HAVCR1: variants seen among roughly 807,000 people sequenced by gnomAD.
The protein encoded by HAVCR1 is hepatitis A virus cellular receptor 1.
Under a neutral mutation model 32.0 loss-of-function variants are expected in HAVCR1, and 34 were observed. The observed-to-expected ratio is 1.06, with a 90% CI of 0.81 to 1.42. HAVCR1 has a LOEUF of 1.42. Among genes scored for constraint, HAVCR1 ranks in the 40% most tolerant of loss-of-function variants. HAVCR1 has a pLI of 0.00. For synonymous variants in HAVCR1, 178 were observed against 170.3 expected, an observed-to-expected ratio of 1.05 and a Z score of -0.35; for missense variants, 420 against 442.3, an observed-to-expected ratio of 0.95 and a Z score of 0.45.
chr5:157,057,916 G>A lies in HAVCR1; in HGVS notation c.28C>T (p.Leu10Phe), dbSNP rs1485882411. 3.1e-6 allele frequency: 5 copies of A among 1,613,758 alleles called. No homozygotes were observed. The highest frequency in any genetic ancestry group is 4.2e-6 in the Non-Finnish European group (5 of 1,179,812). Residue 10 changes from leucine to phenylalanine, a missense_variant, in exon 2 of 9, where the codon CTC (leucine) becomes TTC (phenylalanine). Leu to Phe is a conservative substitution (Grantham distance 22). Transcript: ENST00000523175. MHPQVVILS[L>F]ILHLADSVAG... Reference sequence around the variant, plus strand: ...CACTTACCTGCCAGATGTAGGATGAGGCTTAAGATGACCACTTGAGGATGC... The same window carrying A: ...CACTTACCTGCCAGATGTAGGATGAAGCTTAAGATGACCACTTGAGGATGC...
At chr5:157,068,814 T>G in the HAVCR1 span, among the ~76,000 whole-genome samples, 1 of 152,124 alleles carries the variant, frequency 6.6e-6, no homozygotes, top group Non-Finnish European at 1.5e-5. Context: ...TCTCACTATG[T>G]CGCCTAGGCT....
the HAVCR1 span, among the ~76,000 whole-genome samples, chr5:157,064,135 A>C: frequency 6.6e-6 from 1 of 152,160 alleles, no homozygotes; most frequent in Non-Finnish European, 1.5e-5. Flanking sequence ...CTAGATTGAG[A>C]AGCAGGAAGA....
chr5:157,057,295 G>A (rs867693300), intron 2 of HAVCR1, among the ~76,000 whole-genome samples: 4 of 150,468 alleles, frequency 2.7e-5, no homozygotes, highest in South Asian at 2.1e-4. Flanking sequence ...TAGCCTGGGC[G>A]ACAGAGTGAG....
the HAVCR1 span, among the ~76,000 whole-genome samples, chr5:157,067,042 T>C: frequency 6.6e-6 from 1 of 152,072 alleles, no homozygotes; most frequent in African/African-American, 2.4e-5. Flanking sequence ...GCAGTAAGGA[T>C]GGGGAAGAGG....
At chr5:157,060,412 A>G (rs994566531), upstream of HAVCR1, among the ~76,000 whole-genome samples, 10 of 151,778 alleles carry the variant, frequency 6.6e-5, no homozygotes, top group African/African-American at 4.8e-5. Flanking sequence ...TTCTCCATCT[A>G]GCTCCCCAGC....
intron 5 of HAVCR1, among the ~76,000 whole-genome samples, chr5:157,044,615 G>GAGAAAGAAAGAA (rs1554090477): frequency 1.1e-3 from 56 of 52,714 alleles, no homozygotes; most frequent in South Asian, 1.7e-3. Flanking sequence ...AAGAAAGAAA[G>GAGAAAGAAAGAA]AGAAAGAAAG....
intron 4 of HAVCR1, among the ~76,000 whole-genome samples, chr5:157,051,177 T>A (rs1333804291): frequency 6.6e-6 from 1 of 152,166 alleles, no homozygotes; most frequent in Non-Finnish European, 1.5e-5. Flanking sequence ...ATTTGAAGTA[T>A]CAACTATATG....
In HAVCR1 at chr5:157,046,241, A is replaced by G. The variant is rs151186323; in HGVS notation, c.781+2797T>C. Among the ~76,000 whole-genome samples the G allele has an allele frequency of 2.2e-4, 33 of 152,310 alleles. No individual in the cohort carries two copies. In the East Asian group the frequency reaches 5.8e-3, roughly 27 times the overall value. ...AACAGCTGAGTACAATGAGTCATAC[A>G]CACAAGGAGGCCTGCAAGGTGTGAC... On this transcript the variant is annotated intron_variant, in intron 5 of 8. Transcript: ENST00000523175.
At chr5:157,067,685 T>TTATTTA in the HAVCR1 span, among the ~76,000 whole-genome samples, 1 of 151,904 alleles carries the variant, frequency 6.6e-6, no homozygotes, top group African/African-American at 2.4e-5. Context: ...CTCTTTTTCT[T>TTATTTA]TATTTTTATT....
chr5:157,046,512 C>G (rs578161473), intron 5 of HAVCR1, among the ~76,000 whole-genome samples: 5 of 152,230 alleles, frequency 3.3e-5, no homozygotes, highest in Non-Finnish European at 7.3e-5. Context: ...AGCAGAGTAG[C>G]AGGATCTCAG....
At chr5:157,055,848 G>A (rs1051141870) in intron 2 of HAVCR1, among the ~76,000 whole-genome samples, 1 of 151,346 alleles carries the variant, frequency 6.6e-6, no homozygotes, top group African/African-American at 2.4e-5. Context: ...CTGGGTGACA[G>A]AGCAGACTCT....
At chr5:157,040,400 A>G (rs926547345) in intron 6 of HAVCR1, among the ~76,000 whole-genome samples, 1 of 152,198 alleles carries the variant, frequency 6.6e-6, no homozygotes, top group Non-Finnish European at 1.5e-5. Flanking sequence ...GAACATATAC[A>G]TGGTGGTAGT....
chr5:157,053,531 G>A (rs1755903409), intron 3 of HAVCR1, among the ~76,000 whole-genome samples: 1 of 152,064 alleles, frequency 6.6e-6, no homozygotes, highest in African/African-American at 2.4e-5. Context: ...CGTAGGTATT[G>A]GGTTCTATTA....
chr5:157,057,991 C>A, intron 1 of HAVCR1, 36 bp from the exon 2 acceptor site: 1 of 1,410,234 alleles, frequency 7.1e-7, no homozygotes. Context: ...GGTTGGTACC[C>A]TCCACCAGAT....
chr5:157,037,669 T>C (rs1483607727), intron 6 of HAVCR1, among the ~76,000 whole-genome samples: 1 of 152,238 alleles, frequency 6.6e-6, no homozygotes, highest in Non-Finnish European at 1.5e-5. Flanking sequence ...GTAAATTTTT[T>C]AATTTACTGT....
At chr5:157,062,519 A>C (rs1470057791), upstream of HAVCR1, among the ~76,000 whole-genome samples, 2 of 152,098 alleles carry the variant, frequency 1.3e-5, no homozygotes, top group Admixed American at 6.6e-5. Context: ...CCATGCTTTC[A>C]CCACAGCAAG....
In HAVCR1 at chr5:157,029,576, G is replaced by C; in HGVS notation, c.*157C>G. ...AGGTTGACTATACACAGTTTGGAGT[G>C]AGAGAGTTACTCTACCCAGTATCAC... On this transcript the variant is annotated 3_prime_UTR_variant, in exon 9 of 9. Coordinates refer to ENST00000523175, the MANE Select transcript of HAVCR1 (RefSeq NM_001173393.3). The C allele has an allele frequency of 6.5e-7, 1 of 1,531,394 alleles. No individual in the cohort carries two copies. The highest frequency in any genetic ancestry group is 8.8e-7 in the Non-Finnish European group (1 of 1,140,948). 94.9% of individuals were successfully genotyped at this position (1,531,394 alleles called of 1,614,324 possible).
the HAVCR1 span, among the ~76,000 whole-genome samples, chr5:157,064,414 A>G: frequency 1.4e-3 from 217 of 152,186 alleles, no homozygotes; most frequent in Non-Finnish European, 2.5e-3. Flanking sequence ...CCCAGCTACT[A>G]AAGAGGCTGA....
chr5:157,064,869 AAAAAAAC>A, the HAVCR1 span, among the ~76,000 whole-genome samples: 3 of 152,284 alleles, frequency 2.0e-5, no homozygotes, highest in South Asian at 4.1e-4. Flanking sequence ...CTCCATCTCA[AAAAAAAC>A]AAAAAACAAA....
Sources: gnomAD v4.1 joint callset for allele counts (sites outside exome capture counted in the v4.1 genomes callset) on GRCh38, gnomAD v4.1.1 for gene constraint, MANE v1.5 for transcripts, NCBI Gene and HGNC (gene_info 2026-07-23, HGNC 2026-07-21) for gene names.